SVEP1: variants seen among roughly 807,000 people sequenced by gnomAD.
SVEP1 encodes sushi, von Willebrand factor type A, EGF and pentraxin domain-containing protein 1.
Under a neutral mutation model 367.3 loss-of-function variants are expected in SVEP1, and 164 were observed. The observed-to-expected ratio is 0.45, with a 90% CI of 0.39 to 0.51. The LOEUF is 0.51. Among genes scored for constraint, SVEP1 ranks in the 20% least tolerant of loss-of-function variants. The pLI is 0.00. For synonymous variants in SVEP1, 1,666 were observed against 1,611.6 expected (o/e 1.03, Z -0.81); for missense variants, 4,117 against 4,425.3 (o/e 0.93, Z 1.98).
chr9:110,369,822 ACAGT>A, intron 47 of SVEP1, 97 bp downstream of exon 47: 2 of 907,402 alleles, frequency 2.2e-6, no homozygotes, highest in Non-Finnish European at 3.3e-6. Flanking sequence ...CAAAATACTT[ACAGT>A]CAAACTAGAC....
intron 27 of SVEP1, among the ~76,000 whole-genome samples, chr9:110,439,942 A>C (rs1381345986): frequency 6.6e-6 from 1 of 152,150 alleles, no homozygotes; most frequent in Admixed American, 6.5e-5. Context: ...TTTATATTTT[A>C]AAGATAAAAA....
At chr9:110,368,457 CTTTTGCGTAAA>C (rs1827230863) in intron 47 of SVEP1, among the ~76,000 whole-genome samples, 1 of 152,158 alleles carries the variant, frequency 6.6e-6, no homozygotes, top group Non-Finnish European at 1.5e-5. Flanking sequence ...CTATATCAAA[CTTTTGCGTAAA>C]AAATCTAGAT....
chr9:110,471,498 C>A lies in SVEP1; in HGVS notation c.2864G>T (p.Arg955Met). 1.2e-6 allele frequency: 2 copies of A among 1,613,870 alleles called. No individual in the cohort carries two copies. Among genetic ancestry groups the A allele is most frequent in the Non-Finnish European group, 1.7e-6 (2 of 1,179,862 alleles). The stretch of plus-strand genomic sequence containing the variant: ...ATACATGGGGTCTTTGTTGAGAGTC[C>A]TTTTCAGTTTATTTGTGATAGTTTC... The part of the protein sequence containing the change: ...TLETITNKLK[R>M]TLNKDPMYSF... The change falls in exon 16 of 48, where the codon AGG becomes ATG. Residue 955 changes from arginine to methionine, a missense_variant. Arg to Met is a moderately conservative substitution (Grantham distance 91). Around this residue, in one of 4 missense-constraint regions of SVEP1, gnomAD observed 2,174 missense variants for 2,494.3 expected, o/e 0.87. Transcript: ENST00000374469.
At chr9:110,576,003 C>T (rs1830623433) in intron 1 of SVEP1, among the ~76,000 whole-genome samples, 2 of 152,118 alleles carry the variant, frequency 1.3e-5, no homozygotes, top group African/African-American at 4.8e-5. Flanking sequence ...ACTGGCTGGT[C>T]TGAACCCCAG....
chr9:110,517,554 C>T (rs1687592432), intron 3 of SVEP1, among the ~76,000 whole-genome samples: 1 of 149,440 alleles, frequency 6.7e-6, no homozygotes, highest in Admixed American at 6.7e-5. Context: ...GCCAAGATCA[C>T]ACCACTGAAC....
At chr9:110,545,991 A>C (rs896633170) in intron 3 of SVEP1, 124 bp downstream of exon 3, 2 of 1,206,114 alleles carry the variant, frequency 1.7e-6, no homozygotes, top group African/African-American at 3.0e-5. Context: ...AGCCCCAAAG[A>C]GATGTGCCAC....
At position 110,471,578 on chromosome 9, in the gene SVEP1, A is replaced by T. The variant is rs1208466571; in HGVS notation, c.2784T>A (p.Asp928Glu). ...FNITASVPLP[D>E]ERNDTLEWEN... ...CCCATTCAAGGGTATCATTTCTTTC[A>T]TCGGGTAATGGCACACTAGCTGAGA... The change falls in exon 16 of 48, where the codon GAT becomes GAA. Residue 928 changes from aspartate to glutamate, a missense_variant. By Grantham distance (45) the Asp-to-Glu change is conservative (BLOSUM62 2). Around this residue, in one of 4 missense-constraint regions of SVEP1, gnomAD observed 2,174 missense variants for 2,494.3 expected, o/e 0.87. Transcript: ENST00000374469. 1 of 1,613,656 alleles carries T rather than the reference A, an allele frequency of 6.2e-7. No individual in the cohort carries two copies.
At position 110,473,622 on chromosome 9, in the gene SVEP1, T is replaced by C. The variant is rs530660015; in HGVS notation, c.2600-1299A>G. Among the ~76,000 whole-genome samples, 11 of 152,358 alleles carry C rather than the reference T, an allele frequency of 7.2e-5. No homozygotes were observed. The South Asian group carries it at 1.9e-3, about 26-fold the overall frequency. On this transcript the variant is annotated intron_variant, in intron 14 of 47. Transcript: ENST00000374469. ...TACAACACAAACAACCTACAGTTTC[T>C]ATTTTTAGACTTTTAGGTTATTTCA... is the stretch of plus-strand genomic sequence containing the variant.
chr9:110,514,357 C>T (rs1309011705), intron 3 of SVEP1, among the ~76,000 whole-genome samples: 1 of 151,296 alleles, frequency 6.6e-6, no homozygotes, highest in East Asian at 1.9e-4. Context: ...ACTAAAAATA[C>T]AAAAAATTAG....
chr9:110,539,762 A>G (rs1237812644), intron 3 of SVEP1, among the ~76,000 whole-genome samples: 2 of 151,900 alleles, frequency 1.3e-5, no homozygotes, highest in African/African-American at 2.4e-5. Flanking sequence ...TCTCTGTAAC[A>G]CTCCGATTTT....
chr9:110,572,870 G>C (rs565326343), intron 1 of SVEP1, among the ~76,000 whole-genome samples: 2 of 148,630 alleles, frequency 1.3e-5, no homozygotes, highest in South Asian at 2.1e-4. Flanking sequence ...ATTGTTGTAC[G>C]TACTGAGGAT....
At chr9:110,403,550 AC>A (rs1450175354) in intron 39 of SVEP1, among the ~76,000 whole-genome samples, 1 of 151,544 alleles carries the variant, frequency 6.6e-6, no homozygotes, top group Non-Finnish European at 1.5e-5. Flanking sequence ...TGATCCATCC[AC>A]CTCGGCCTCC....
chr9:110,493,211 T>A (rs1829396364), intron 8 of SVEP1, among the ~76,000 whole-genome samples: 1 of 151,032 alleles, frequency 6.6e-6, no homozygotes, highest in Non-Finnish European at 1.5e-5. Context: ...TGTAAGGGGT[T>A]GGGGAGGGGG....
intron 13 of SVEP1, 104 bp from the exon 14 acceptor site, chr9:110,476,419 A>G (rs1829097444): frequency 1.2e-6 from 1 of 824,680 alleles, no homozygotes; most frequent in African/African-American, 1.7e-5. Context: ...GCAGGAGGGA[A>G]GGGAGGGCCC....
intron 38 of SVEP1, 61 bp downstream of exon 38, chr9:110,406,099 A>T (rs1235685780): frequency 9.3e-6 from 14 of 1,497,858 alleles, no homozygotes; most frequent in Non-Finnish European, 1.2e-5. Context: ...TTTTTGATCG[A>T]TCACATTTCA....
chr9:110,413,658 A>G (rs1450628965), intron 36 of SVEP1, among the ~76,000 whole-genome samples: 1 of 152,002 alleles, frequency 6.6e-6, no homozygotes, highest in Non-Finnish European at 1.5e-5. Context: ...GCCCACATAT[A>G]ATGATGGATT....
chr9:110,427,787 A>C (rs1377015747), intron 35 of SVEP1, 29 bp from the exon 36 acceptor site: 9 of 1,595,808 alleles, frequency 5.6e-6, no homozygotes, highest in Non-Finnish European at 7.7e-6. Context: ...TTACTCTTTC[A>C]TTGGCTATGG....
chr9:110,443,751 T>C, intron 26 of SVEP1, 31 bp from the exon 27 acceptor site: 3 of 1,525,880 alleles, frequency 2.0e-6, no homozygotes, highest in Non-Finnish European at 2.6e-6. Context: ...GGGAATGTAG[T>C]CATTAGCCAT....
chr9:110,430,041 G>C (rs376945678), intron 33 of SVEP1, 37 bp from the exon 34 acceptor site: 65 of 1,590,358 alleles, frequency 4.1e-5, no homozygotes, highest in Non-Finnish European at 5.6e-5. Flanking sequence ...ACTTTTTTGA[G>C]ACTGTGTGCA....
Sources: gnomAD v4.1 joint callset for allele counts (sites outside exome capture counted in the v4.1 genomes callset) on GRCh38, gnomAD v4.1.1 for gene constraint, gnomAD v4.1.1 regional missense constraint, MANE v1.5 for transcripts, NCBI Gene and HGNC (gene_info 2026-07-23, HGNC 2026-07-21) for gene names.